The following CHD4 variants were observed in gnomAD, a reference collection of about 807,000 sequenced individuals.
CHD4 encodes ATP-dependent chromatin remodeler CHD4.
A neutral mutation model predicts 235.5 loss-of-function variants in CHD4; 35 were observed. That is an observed-to-expected ratio of 0.15 (90% CI 0.11 to 0.20). The LOEUF (loss-of-function observed/expected upper bound fraction) is 0.20. CHD4 is among the 10% of genes least tolerant of loss of function. The pLI is 1.00. For synonymous variants in CHD4, 900 were observed against 850.2 expected (o/e 1.06, Z -1.02); for missense variants, 1,329 against 2,432.3 (o/e 0.55, Z 9.54).
intron 10 of CHD4, 88 bp downstream of exon 10, chr12:6,599,685 T>TC (rs1948557096): frequency 6.5e-7 from 1 of 1,530,820 alleles, no homozygotes; most frequent in Admixed American, 1.7e-5. Context: ...AGCTCATAGT[T>TC]CCTCTCCTGC....
chr12:6,578,685 G>A, intron 34 of CHD4, 139 bp from the exon 35 acceptor site: 1 of 1,431,092 alleles, frequency 7.0e-7, no homozygotes, highest in Non-Finnish European at 9.7e-7. Flanking sequence ...CCAGAAAATG[G>A]TGCCATTGGC....
rs772592474 is a variant in CHD4, at chr12:6,581,427, A to G, written c.4682-39T>C. ...AAAGACAATCAATTAGGAAGAAGGT[A>G]CTAGATCAGAGAGAAGGTCATTTCT... On this transcript the variant is annotated intron_variant, in intron 31 of 39. Transcript: ENST00000544040. 9 of 1,592,338 alleles carry G rather than the reference A, an allele frequency of 5.7e-6. No homozygotes were observed. The East Asian group carries it at 1.8e-4, about 32-fold the overall frequency.
At position 6,606,355 on chromosome 12, in the gene CHD4, A is replaced by G; in HGVS notation, c.19T>C (p.Ser7Pro). The part of the protein sequence containing the change: MASGLG[S>P]PSPCSAGSEE... ...CTGCCCGCCGAGCAGGGGGACGGGGAGCCCAGGCCCGACGCCATCCCCTTC... is the reference window on the plus strand; with the variant it reads ...CTGCCCGCCGAGCAGGGGGACGGGGGGCCCAGGCCCGACGCCATCCCCTTC... Residue 7 changes from serine (S) to proline (P), a missense_variant, in exon 2 of 40, where the codon TCC becomes CCC. Physicochemically the swap from Ser to Pro is moderately conservative, Grantham distance 74. Transcript: ENST00000544040. 1 of 1,568,350 alleles carries G rather than the reference A, an allele frequency of 6.4e-7. No homozygotes were observed. Among genetic ancestry groups the G allele is most frequent in the Non-Finnish European group, 8.6e-7 (1 of 1,160,948 alleles).
intron 13 of CHD4, 105 bp from the exon 14 acceptor site, chr12:6,595,535 G>T: frequency 2.1e-6 from 2 of 962,040 alleles, no homozygotes; most frequent in Non-Finnish European, 3.2e-6. Context: ...ATTTTGGGAG[G>T]CCAGCACTTT....
At chr12:6,603,776 C>A (rs11064279) in intron 2 of CHD4, among the ~76,000 whole-genome samples, 1 of 152,162 alleles carries the variant, frequency 6.6e-6, no homozygotes, top group Non-Finnish European at 1.5e-5. Flanking sequence ...ATCATCAGAG[C>A]TGAGATTTAA....
chr12:6,577,390 C>A (rs1290638337), intron 37 of CHD4, among the ~76,000 whole-genome samples: 5 of 145,608 alleles, frequency 3.4e-5, no homozygotes, highest in African/African-American at 5.3e-5. Flanking sequence ...TCACTGCATT[C>A]CAGCCTGGGC....
chr12:6,594,429 CAAA>C (rs769563825), intron 15 of CHD4, 27 bp downstream of exon 15: 1 of 1,573,044 alleles, frequency 6.4e-7, no homozygotes, highest in Non-Finnish European at 8.6e-7. Flanking sequence ...AACACCCACA[CAAA>C]AAACTATCCA....
rs1414111870 is a variant in CHD4 at position 6,583,093 on chromosome 12, C to T, written c.4081G>A (p.Asp1361Asn). 2.5e-6 allele frequency: 4 copies of T among 1,583,928 alleles called. No homozygotes were observed. The highest frequency in any genetic ancestry group is 1.8e-5 in the Admixed American group (1 of 56,536). The part of the protein sequence containing the change: ...EDRDWQDDQS[D>N]NQSDYSVASE... The stretch of plus-strand genomic sequence containing the variant: ...GCCACTGAGTAATCGGACTGGTTGT[C>T]GGACTGGTCGTCCTGCCAATCTGGA... Residue 1361 changes from aspartate (D) to asparagine (N), a missense_variant, in exon 27 of 40, where the codon GAC (aspartate) becomes AAC (asparagine). Physicochemically the swap from Asp to Asn is conservative, Grantham distance 23. Around this residue, in one of 26 missense-constraint regions of CHD4, gnomAD observed 46 missense variants for 85.6 expected, o/e 0.54. Transcript: ENST00000544040.
intron 15 of CHD4, among the ~76,000 whole-genome samples, chr12:6,594,109 A>G (rs775768456): frequency 6.6e-6 from 1 of 152,286 alleles, no homozygotes; most frequent in South Asian, 2.1e-4. Context: ...TGCTGGGATT[A>G]CAGGTATGAG....
intron 10 of CHD4, among the ~76,000 whole-genome samples, 167 bp from the exon 11 acceptor site, chr12:6,598,592 C>T (rs746659298): frequency 1.3e-4 from 20 of 152,170 alleles, no homozygotes; most frequent in Admixed American, 5.2e-4. Flanking sequence ...GGGCAGATCA[C>T]GAGGTCAAGA....
chr12:6,583,065 G>A lies in CHD4; in HGVS notation c.4109C>T (p.Ser1370Leu). 1 of 1,572,420 alleles carries A rather than the reference G, an allele frequency of 6.4e-7. No homozygotes were observed. The highest frequency in any genetic ancestry group is 2.2e-5 in the East Asian group (1 of 44,576). ...SDNQSDYSVA[S>L]EEGDEDFDER... ...ATCAAAGTCTTCATCACCTTCCTCT[G>A]AAGCCACTGAGTAATCGGACTGGTT... Residue 1370 changes from serine to leucine, a missense_variant, in exon 27 of 40, where the codon TCA (serine) becomes TTA (leucine). Transcript: ENST00000544040.
chr12:6,606,166 G>A, intron 2 of CHD4, 108 bp downstream of exon 2: 2 of 737,230 alleles, frequency 2.7e-6, no homozygotes, highest in Non-Finnish European at 4.4e-6. Context: ...TCCACCTCCG[G>A]CTCTGCACAG....
rs1212580156 is a variant in CHD4, at chr12:6,582,947, A to G, written c.4148-11T>C. ...TGGGCCTACGGGGAGCTGCAAGAAG[A>G]AAAAGATGAATGAGTGACACAGGTA... On this transcript the variant is annotated splice_polypyrimidine_tract_variant and intron_variant, in intron 27 of 39. Transcript: ENST00000544040. 2 of 1,612,428 alleles carry G rather than the reference A, an allele frequency of 1.2e-6. No individual in the cohort carries two copies. The highest frequency in any genetic ancestry group is 1.7e-6 in the Non-Finnish European group (2 of 1,179,440).
intron 7 of CHD4, 71 bp from the exon 8 acceptor site, chr12:6,600,740 T>G (rs1592281927): frequency 6.4e-7 from 1 of 1,568,616 alleles, no homozygotes; most frequent in South Asian, 1.2e-5. Flanking sequence ...GAGAGGGGAG[T>G]ACTCTCTCAC....
At chr12:6,589,262 C>T (rs948153462) in intron 22 of CHD4, among the ~76,000 whole-genome samples, 10 of 152,162 alleles carry the variant, frequency 6.6e-5, no homozygotes, top group Admixed American at 2.6e-4. Context: ...GGTCCACTGA[C>T]GAATACTAAT....
chr12:6,599,737 T>G (rs201176021), intron 10 of CHD4, 36 bp downstream of exon 10: 1 of 1,613,402 alleles, frequency 6.2e-7, no homozygotes, highest in Non-Finnish European at 8.5e-7. Flanking sequence ...GACTACACTT[T>G]CCCATTTTTT....
intron 38 of CHD4, 142 bp from the exon 39 acceptor site, chr12:6,571,174 A>G (rs1037866007): frequency 3.1e-6 from 3 of 961,874 alleles, no homozygotes; most frequent in Non-Finnish European, 4.6e-6. Flanking sequence ...GACCTCCACC[A>G]TGTTCAAATT....
chr12:6,598,104 G>A lies in CHD4; in HGVS notation c.1687-5C>T, dbSNP rs763398552. The A allele has an allele frequency of 5.0e-6, 8 of 1,614,010 alleles. No individual in the cohort carries two copies. The South Asian group carries it at 7.7e-5, about 16-fold the overall frequency. The stretch of plus-strand genomic sequence containing the variant: ...CACCTGACAGTGCAGCTCCAGCTTT[G>A]AGCGGAAAGAGAAAATCAGCCACCA... On this transcript the variant is annotated splice_polypyrimidine_tract_variant and splice_region_variant and intron_variant, in intron 11 of 39. Transcript: ENST00000544040.
intron 12 of CHD4, among the ~76,000 whole-genome samples, chr12:6,597,260 G>C (rs569486289): frequency 6.6e-6 from 1 of 151,118 alleles, no homozygotes; most frequent in South Asian, 2.1e-4. Context: ...TGGGTGACAA[G>C]TCTGTCTCAA....
Sources: allele counts gnomAD v4.1 joint callset (sites outside exome capture counted in the v4.1 genomes callset), GRCh38; gene constraint gnomAD v4.1.1; regional missense constraint gnomAD v4.1.1; transcripts MANE v1.5; gene names NCBI Gene and HGNC (gene_info 2026-07-23, HGNC 2026-07-21).